PKHD1: variants seen among roughly 807,000 people sequenced by gnomAD.
The protein encoded by PKHD1 is PKHD1 ciliary IPT domain containing fibrocystin/polyductin, also known as fibrocystin.
In PKHD1, 291 loss-of-function variants were observed where a neutral mutation model predicts 412.0. The observed-to-expected ratio is 0.71, with a 90% CI of 0.64 to 0.78. PKHD1 has a LOEUF of 0.78. Among genes scored for constraint, PKHD1 ranks in the 30% least tolerant of loss-of-function variants. The pLI is 0.00. For missense variants in PKHD1, 4,825 were observed against 4,950.7 expected (o/e 0.97, Z 0.76); for synonymous variants, 1,777 against 1,821.5 (o/e 0.98, Z 0.62).
At chr6:51,745,423 A>C (rs921991910) in intron 59 of PKHD1, among the ~76,000 whole-genome samples, 1 of 152,212 alleles carries the variant, frequency 6.6e-6, no homozygotes, top group Non-Finnish European at 1.5e-5. Context: ...GTGAGAACAC[A>C]GCGTTTCTCC....
chr6:52,071,669 C>T (rs762807805), intron 8 of PKHD1, among the ~76,000 whole-genome samples: 2 of 152,110 alleles, frequency 1.3e-5, no homozygotes, highest in Non-Finnish European at 2.9e-5. Flanking sequence ...AGATCATGAA[C>T]TCTAGGGGAT....
chr6:51,728,200 G>C (rs1228685192), intron 60 of PKHD1, among the ~76,000 whole-genome samples: 2 of 152,130 alleles, frequency 1.3e-5, no homozygotes, highest in African/African-American at 2.4e-5. Flanking sequence ...CTTAAAGATG[G>C]AACCCACTCC....
intron 35 of PKHD1, among the ~76,000 whole-genome samples, chr6:51,983,500 G>A (rs909550004): frequency 2.6e-5 from 4 of 152,114 alleles, no homozygotes; most frequent in Non-Finnish European, 4.4e-5. Flanking sequence ...AAGAAACATC[G>A]CAACACCTTT....
Position 52,043,155 on chromosome 6 carries a change from A to T in PKHD1, c.2822-21T>A, listed in dbSNP as rs771837982. On this transcript the variant is annotated intron_variant, in intron 26 of 66. Coordinates refer to ENST00000371117, the MANE Select transcript of PKHD1 (RefSeq NM_138694.4). ...ACCATCTTAAAGGAGAAAAGAAATT[A>T]AAAAACAAATAAAATAATCTCTCAG... 7 of 1,579,792 alleles carry T rather than the reference A, an allele frequency of 4.4e-6. 1 individual carries two copies. The highest frequency in any genetic ancestry group is 5.2e-6 in the Non-Finnish European group (6 of 1,151,494).
At chr6:51,630,658 C>T (rs1024887748) in intron 65 of PKHD1, among the ~76,000 whole-genome samples, 4 of 152,092 alleles carry the variant, frequency 2.6e-5, no homozygotes, top group Non-Finnish European at 4.4e-5. Flanking sequence ...GCACAGAGAG[C>T]ATATAGCTTA....
intron 60 of PKHD1, among the ~76,000 whole-genome samples, chr6:51,700,555 C>G (rs184195649): frequency 2.0e-3 from 299 of 152,108 alleles, no homozygotes; most frequent in African/African-American, 7.0e-3. Flanking sequence ...ACAATAGCAC[C>G]CCCCAAGGAT....
At chr6:51,846,470 A>T (rs1771176424) in intron 50 of PKHD1, among the ~76,000 whole-genome samples, 1 of 152,286 alleles carries the variant, frequency 6.6e-6, no homozygotes, top group South Asian at 2.1e-4. Flanking sequence ...CACTCTTGAG[A>T]CCTATTTAGC....
intron 52 of PKHD1, among the ~76,000 whole-genome samples, chr6:51,814,528 C>G (rs1262173542): frequency 6.6e-6 from 1 of 152,230 alleles, no homozygotes; most frequent in East Asian, 1.9e-4. Flanking sequence ...AGAAGATCCA[C>G]AAGCTGCTCA....
At chr6:51,735,941 A>G (rs1783788717) in intron 60 of PKHD1, among the ~76,000 whole-genome samples, 1 of 152,142 alleles carries the variant, frequency 6.6e-6, no homozygotes, top group Non-Finnish European at 1.5e-5. Flanking sequence ...TTCTAAAAAT[A>G]AAAAATAAAA....
intron 2 of PKHD1, 26 bp downstream of exon 2, chr6:52,084,856 A>T: frequency 6.9e-7 from 1 of 1,445,428 alleles, no homozygotes; most frequent in Non-Finnish European, 9.7e-7. Context: ...CTTACCTATA[A>T]TTCCTTCAAA....
At chr6:51,673,379 G>C (rs986130188) in intron 60 of PKHD1, among the ~76,000 whole-genome samples, 3 of 152,182 alleles carry the variant, frequency 2.0e-5, no homozygotes, top group Admixed American at 6.5e-5. Context: ...GCATTAACCT[G>C]AAGCTTTCCC....
At chr6:51,862,216 T>G (rs550360485) in intron 48 of PKHD1, among the ~76,000 whole-genome samples, 1 of 152,278 alleles carries the variant, frequency 6.6e-6, no homozygotes, top group East Asian at 1.9e-4. Flanking sequence ...CATGTGAGAG[T>G]ATTTTCACTA....
chr6:52,086,247 A>T (rs891667974), intron 1 of PKHD1, among the ~76,000 whole-genome samples: 3 of 151,228 alleles, frequency 2.0e-5, no homozygotes, highest in Non-Finnish European at 2.9e-5. Context: ...AGTAGCTGGG[A>T]TTACAGGTGT....
chr6:51,741,961 G>A (rs1277166596), intron 60 of PKHD1, among the ~76,000 whole-genome samples: 2 of 152,148 alleles, frequency 1.3e-5, no homozygotes, highest in Admixed American at 1.3e-4. Flanking sequence ...CCCACAATTA[G>A]GCATGTGCTT....
At chr6:51,763,683 G>A (rs1235119906) in intron 55 of PKHD1, among the ~76,000 whole-genome samples, 1 of 151,984 alleles carries the variant, frequency 6.6e-6, no homozygotes, top group Non-Finnish European at 1.5e-5. Context: ...AACCAAGAAT[G>A]CACTTCATAT....
chr6:51,903,753 T>C (rs1409119943), intron 42 of PKHD1, 26 bp from the exon 43 acceptor site: 2 of 1,596,990 alleles, frequency 1.3e-6, no homozygotes, highest in Non-Finnish European at 1.7e-6. Flanking sequence ...ATCCAGGGGA[T>C]CCACAAACAT....
At chr6:52,048,344 T>G in intron 23 of PKHD1, 148 bp downstream of exon 23, 1 of 880,062 alleles carries the variant, frequency 1.1e-6, no homozygotes, top group South Asian at 1.4e-5. Flanking sequence ...ATCTTTCACT[T>G]TAAGAATGTC....
Position 51,831,005 on chromosome 6 carries a change from A to C in PKHD1, c.8174-16T>G. Reference sequence around the variant, plus strand: ...GAGGTAGAAGCTAGAAAATAAAAAAAAATTTTGAAAATCTAATCCATTGTG... The same window carrying C: ...GAGGTAGAAGCTAGAAAATAAAAAACAATTTTGAAAATCTAATCCATTGTG... On this transcript the variant is annotated splice_polypyrimidine_tract_variant and intron_variant, in intron 51 of 66. Transcript: ENST00000371117. The C allele has an allele frequency of 6.2e-7, 1 of 1,605,356 alleles. No homozygotes were observed. Among genetic ancestry groups the C allele is most frequent in the South Asian group, 1.1e-5 (1 of 90,750 alleles).
intron 60 of PKHD1, among the ~76,000 whole-genome samples, chr6:51,698,395 A>G (rs1381537395): frequency 6.6e-6 from 1 of 152,246 alleles, no homozygotes; most frequent in Non-Finnish European, 1.5e-5. Context: ...AGTTATGATT[A>G]TCATCAGCAT....
Sources: allele counts gnomAD v4.1 joint callset (sites outside exome capture counted in the v4.1 genomes callset), GRCh38; gene constraint gnomAD v4.1.1; transcripts MANE v1.5; gene names NCBI Gene and HGNC (gene_info 2026-07-23, HGNC 2026-07-21).